The following P2RY14 variants were observed in gnomAD, a reference collection of about 807,000 sequenced individuals.
The protein encoded by P2RY14 is purinergic receptor P2Y14.
P2RY14 carries 2 observed loss-of-function variants against 0.9 expected under a neutral mutation model. That is an observed-to-expected ratio of 2.16 (90% CI 0.88 to 6.79). The LOEUF (loss-of-function observed/expected upper bound fraction) is 6.79. P2RY14 is among the 30% of genes most tolerant of loss of function. The probability of loss-of-function intolerance (pLI) is 0.05; values close to 1 mark genes in which losing one functional copy is unlikely to be tolerated. For synonymous variants in P2RY14, 158 were observed against 147.2 expected, an observed-to-expected ratio of 1.07 and a Z score of -0.53; for missense variants, 378 against 400.1, an observed-to-expected ratio of 0.94 and a Z score of 0.47.
At chr3:151,274,502 A>G (rs1198061766) in intron 1 of P2RY14, among the ~76,000 whole-genome samples, 1 of 152,226 alleles carries the variant, frequency 6.6e-6, no homozygotes, top group Non-Finnish European at 1.5e-5. Flanking sequence ...GGGGGCCAGG[A>G]GAGAAAGAAC....
intron 1 of P2RY14, among the ~76,000 whole-genome samples, chr3:151,274,193 A>G (rs1178521100): frequency 6.6e-6 from 1 of 152,228 alleles, no homozygotes. Flanking sequence ...TTGTATTTCA[A>G]ATTAAAATAA....
intron 1 of P2RY14, among the ~76,000 whole-genome samples, chr3:151,238,678 A>T (rs969758218): frequency 7.3e-6 from 1 of 136,714 alleles, no homozygotes; most frequent in Non-Finnish European, 1.6e-5. Flanking sequence ...TACCTTACTG[A>T]CATACAATCT....
intron 1 of P2RY14, among the ~76,000 whole-genome samples, chr3:151,232,045 C>T (rs950265959): frequency 5.9e-5 from 9 of 152,130 alleles, no homozygotes; most frequent in East Asian, 1.9e-4. Context: ...TCCTGTGCTC[C>T]GTGCCTGACA....
chr3:151,259,276 A>C (rs1402995218), intron 1 of P2RY14, among the ~76,000 whole-genome samples: 1 of 152,128 alleles, frequency 6.6e-6, no homozygotes, highest in East Asian at 1.9e-4. Context: ...AGAAATAGGC[A>C]CTCCTTTTGA....
At chr3:151,230,570 C>CTTTTTTTT (rs368433695) in intron 1 of P2RY14, among the ~76,000 whole-genome samples, 1 of 139,458 alleles carries the variant, frequency 7.2e-6, no homozygotes. Flanking sequence ...TTACTCCACG[C>CTTTTTTTT]TTTTTTTTTT....
intron 1 of P2RY14, among the ~76,000 whole-genome samples, chr3:151,263,671 T>G (rs1739305921): frequency 6.6e-6 from 1 of 152,174 alleles, no homozygotes; most frequent in African/African-American, 2.4e-5. Flanking sequence ...ATTTAACATG[T>G]TCAGTGAATA....
intron 1 of P2RY14, among the ~76,000 whole-genome samples, chr3:151,268,989 C>T (rs1740350880): frequency 1.3e-5 from 2 of 152,170 alleles, no homozygotes; most frequent in African/African-American, 2.4e-5. Flanking sequence ...ACTTTCCTAG[C>T]GGTGTGACCC....
At chr3:151,260,853 A>G (rs779700017) in intron 1 of P2RY14, among the ~76,000 whole-genome samples, 2 of 152,110 alleles carry the variant, frequency 1.3e-5, no homozygotes, top group Non-Finnish European at 2.9e-5. Flanking sequence ...AGACTAAATT[A>G]TACTCAAAGC....
intron 1 of P2RY14, among the ~76,000 whole-genome samples, chr3:151,274,929 G>C (rs147073615): frequency 6.6e-6 from 1 of 152,178 alleles, no homozygotes; most frequent in Non-Finnish European, 1.5e-5. Flanking sequence ...TATCCCTAGA[G>C]TGAGAAGGGG....
At position 151,212,945 on chromosome 3, in the gene P2RY14, G is replaced by GT; in HGVS notation, c.*354_*355insA. 6.4e-6 allele frequency: 1 copy of GT among 155,130 alleles called. No homozygotes were observed. Among genetic ancestry groups the GT allele is most frequent in the Admixed American group, 6.5e-5 (1 of 15,380 alleles). The allele number at this position is 155,130 out of a possible 1,614,324, so 9.6% of individuals were successfully genotyped here. A position where few individuals can be genotyped will look rare whatever the true frequency, so the allele number is the denominator to read the frequency against. On this transcript the variant is annotated 3_prime_UTR_variant, in exon 3 of 3. Coordinates refer to ENST00000309170, the MANE Select transcript of P2RY14 (RefSeq NM_014879.4). The stretch of plus-strand genomic sequence containing the variant: ...ATTTAGAGAAAGAAGATGCCTGAGT[G>GT]AGTTGTCTTTGATTATGTTGTGTTT...
intron 1 of P2RY14, among the ~76,000 whole-genome samples, chr3:151,264,453 G>A (rs562984921): frequency 7.9e-5 from 12 of 152,320 alleles, no homozygotes; most frequent in Non-Finnish European, 1.6e-4. Context: ...ACGCCTTATG[G>A]CCTGTCTCAG....
At chr3:151,226,078 G>A (rs1730437629) in intron 1 of P2RY14, among the ~76,000 whole-genome samples, 1 of 152,300 alleles carries the variant, frequency 6.6e-6, no homozygotes, top group Admixed American at 6.5e-5. Context: ...TTCCAGTCTA[G>A]GGGGAGGCTG....
chr3:151,231,433 A>G (rs1731648055), intron 1 of P2RY14, among the ~76,000 whole-genome samples: 1 of 152,242 alleles, frequency 6.6e-6, no homozygotes, highest in Non-Finnish European at 1.5e-5. Context: ...AACTTACCAA[A>G]AGTGAGATAA....
At chr3:151,237,476 A>G (rs570138306) in intron 1 of P2RY14, among the ~76,000 whole-genome samples, 6 of 148,560 alleles carry the variant, frequency 4.0e-5, no homozygotes, top group Admixed American at 6.8e-5. Flanking sequence ...CCGCCTCCCA[A>G]GTAGCTGGGA....
At chr3:151,228,969 T>C (rs1731075211) in intron 1 of P2RY14, among the ~76,000 whole-genome samples, 1 of 152,210 alleles carries the variant, frequency 6.6e-6, no homozygotes, top group African/African-American at 2.4e-5. Flanking sequence ...TACTCAGATC[T>C]GCAGATCATG....
chr3:151,265,864 C>T (rs1739728272), intron 1 of P2RY14, among the ~76,000 whole-genome samples: 1 of 152,138 alleles, frequency 6.6e-6, no homozygotes, highest in South Asian at 2.1e-4. Context: ...TCTCTTGGTC[C>T]TTTTCAGGGA....
intron 1 of P2RY14, among the ~76,000 whole-genome samples, chr3:151,221,760 T>G (rs1199339478): frequency 6.6e-6 from 1 of 152,196 alleles, no homozygotes; most frequent in Non-Finnish European, 1.5e-5. Flanking sequence ...AGGGCTCTCA[T>G]GGAGAACCTC....
chr3:151,270,744 G>T (rs1740791059), intron 1 of P2RY14, among the ~76,000 whole-genome samples: 1 of 152,106 alleles, frequency 6.6e-6, no homozygotes, highest in South Asian at 2.1e-4. Context: ...ATTTAATTGT[G>T]ATGTTTAATG....
At chr3:151,236,363 A>G (rs769523903) in intron 1 of P2RY14, among the ~76,000 whole-genome samples, 23 of 152,332 alleles carry the variant, frequency 1.5e-4, no homozygotes, top group Admixed American at 7.2e-4. Flanking sequence ...AAATCTCTGG[A>G]TCACAGAATT....
Sources: allele counts gnomAD v4.1 joint callset (sites outside exome capture counted in the v4.1 genomes callset), GRCh38; gene constraint gnomAD v4.1.1; transcripts MANE v1.5; gene names NCBI Gene and HGNC (gene_info 2026-07-23, HGNC 2026-07-21).